Variants in ACOXL observed in about 807,000 individuals in gnomAD.
ACOXL encodes acyl-coenzyme A oxidase-like protein.
Under a neutral mutation model 71.9 loss-of-function variants are expected in ACOXL, and 70 were observed. The ratio of observed to expected loss-of-function variants is 0.97; its 90% confidence interval spans 0.80 to 1.19. The LOEUF (loss-of-function observed/expected upper bound fraction) is 1.19, where lower values mean the gene tolerates loss of function less well. ACOXL is among the 50% of genes most tolerant of loss of function. The probability of loss-of-function intolerance (pLI) is 0.00; values close to 1 mark genes in which losing one functional copy is unlikely to be tolerated. For missense variants in ACOXL, 703 were observed against 736.3 expected (o/e 0.95, Z 0.52); for synonymous variants, 253 against 281.6 (o/e 0.90, Z 1.02).
chr2:110,880,015 A>G (rs1053197591), intron 10 of ACOXL, among the ~76,000 whole-genome samples: 1 of 151,848 alleles, frequency 6.6e-6, no homozygotes, highest in Non-Finnish European at 1.5e-5. Flanking sequence ...GCATGGTGGC[A>G]GGTGCCTGTA....
At chr2:110,907,584 G>T (rs2059501079) in intron 10 of ACOXL, among the ~76,000 whole-genome samples, 1 of 152,074 alleles carries the variant, frequency 6.6e-6, no homozygotes, top group Admixed American at 6.6e-5. Context: ...GGCGGGTTGG[G>T]GTGGTATTCT....
At chr2:110,877,383 C>G (rs1462636858) in intron 10 of ACOXL, among the ~76,000 whole-genome samples, 1 of 152,244 alleles carries the variant, frequency 6.6e-6, no homozygotes, top group African/African-American at 2.4e-5. Flanking sequence ...CAAGCTTCTG[C>G]TGCGGCCCGT....
At position 111,104,208 on chromosome 2, in the gene ACOXL, A is replaced by G. The variant is rs565552037; in HGVS notation, c.1542+11242A>G. 5.3e-5 allele frequency among the ~76,000 whole-genome samples: 8 copies of G among 152,320 alleles called. No homozygotes were observed. In the East Asian group the frequency reaches 9.6e-4, roughly 18 times the overall value. On this transcript the variant is annotated intron_variant, in intron 17 of 17. Transcript: ENST00000439055. ...GTATTCCACACTACACATGGACTGC[A>G]GTTTGTTGAACCACTCACACATTGA...
At chr2:110,784,652 G>A in intron 2 of ACOXL, 80 bp from the exon 3 acceptor site, 1 of 1,034,740 alleles carries the variant, frequency 9.7e-7, no homozygotes, top group African/African-American at 1.7e-5. Flanking sequence ...AAAGTAACAT[G>A]CATTTCTTAT....
chr2:110,888,657 T>C (rs190671266), intron 10 of ACOXL, among the ~76,000 whole-genome samples: 3 of 152,370 alleles, frequency 2.0e-5, no homozygotes, highest in Non-Finnish European at 2.9e-5. Flanking sequence ...GTTGGTGGCA[T>C]GGATTTCAAT....
At chr2:110,900,538 C>T (rs2059193491) in intron 10 of ACOXL, among the ~76,000 whole-genome samples, 1 of 152,134 alleles carries the variant, frequency 6.6e-6, no homozygotes, top group Non-Finnish European at 1.5e-5. Flanking sequence ...AACACACTGG[C>T]AGGTGTTAGA....
chr2:110,859,983 C>T (rs918600421), intron 10 of ACOXL, among the ~76,000 whole-genome samples: 1 of 152,216 alleles, frequency 6.6e-6, no homozygotes, highest in Non-Finnish European at 1.5e-5. Flanking sequence ...CACAACCTGC[C>T]TACTCCCAAC....
chr2:111,069,995 T>C (rs1053015384), intron 16 of ACOXL, among the ~76,000 whole-genome samples: 1 of 151,802 alleles, frequency 6.6e-6, no homozygotes, highest in African/African-American at 2.4e-5. Flanking sequence ...ACCCCCCAAA[T>C]AGAAGAAGAA....
intron 1 of ACOXL, among the ~76,000 whole-genome samples, chr2:110,764,353 C>T (rs1400865448): frequency 1.3e-5 from 2 of 151,990 alleles, no homozygotes; most frequent in Admixed American, 1.3e-4. Flanking sequence ...AGGTATCAAG[C>T]CATGAAAAGC....
chr2:111,105,697 T>C (rs2069491216), intron 17 of ACOXL, among the ~76,000 whole-genome samples: 1 of 152,148 alleles, frequency 6.6e-6, no homozygotes. Flanking sequence ...TTTTATATGT[T>C]ATCTTTTATC....
intron 17 of ACOXL, among the ~76,000 whole-genome samples, chr2:111,095,716 A>G (rs1406106075): frequency 6.6e-6 from 1 of 152,078 alleles, no homozygotes; most frequent in Non-Finnish European, 1.5e-5. Flanking sequence ...ACAGTGCCAC[A>G]TGCTTTCCAC....
intron 10 of ACOXL, among the ~76,000 whole-genome samples, chr2:110,865,732 T>C (rs139222057): frequency 1.3e-5 from 2 of 152,330 alleles, no homozygotes; most frequent in East Asian, 3.9e-4. Context: ...ACGATTTACA[T>C]GCATTTATGT....
chr2:111,064,075 G>C (rs2066938627), intron 16 of ACOXL, among the ~76,000 whole-genome samples: 2 of 152,188 alleles, frequency 1.3e-5, no homozygotes, highest in South Asian at 4.1e-4. Flanking sequence ...CAAGGTATCT[G>C]TGGGGGATTG....
chr2:110,757,618 T>C (rs1679869162), intron 1 of ACOXL, among the ~76,000 whole-genome samples: 2 of 152,202 alleles, frequency 1.3e-5, no homozygotes, highest in African/African-American at 4.8e-5. Context: ...TGGTATCTCA[T>C]GGTTTTGACG....
chr2:110,951,760 C>T lies in ACOXL; in HGVS notation c.1059+18118C>T, dbSNP rs1285602046. 2.0e-5 allele frequency among the ~76,000 whole-genome samples: 3 copies of T among 152,276 alleles called. No individual in the cohort carries two copies. The East Asian group carries it at 5.8e-4, about 29-fold the overall frequency. On this transcript the variant is annotated intron_variant, in intron 12 of 17. Transcript: ENST00000439055. ...GATTGCACATTTTCTTCCTTTTAAT[C>T]TGTTAATGTGATGAATTTACATTAA...
intron 10 of ACOXL, among the ~76,000 whole-genome samples, chr2:110,860,101 G>A (rs11894642): frequency 0.037 from 5,670 of 152,024 alleles, 199 homozygotes; most frequent in African/African-American, 0.081. Context: ...TGGGGTTGTC[G>A]CCTAAATAGC....
chr2:111,060,278 G>C (rs556709085), intron 16 of ACOXL, among the ~76,000 whole-genome samples: 95 of 152,288 alleles, frequency 6.2e-4, no homozygotes, highest in Admixed American at 2.2e-3. Flanking sequence ...GGTGGTGTCA[G>C]AGAAGGCCAA....
intron 2 of ACOXL, among the ~76,000 whole-genome samples, chr2:110,773,131 C>G (rs1421648671): frequency 6.6e-6 from 1 of 152,156 alleles, no homozygotes; most frequent in Non-Finnish European, 1.5e-5. Flanking sequence ...CTCAGCAGAT[C>G]AGAGGGGAAC....
intron 14 of ACOXL, among the ~76,000 whole-genome samples, chr2:111,007,558 G>A (rs1174016840): frequency 3.3e-5 from 5 of 152,116 alleles, no homozygotes; most frequent in African/African-American, 7.2e-5. Context: ...CTTCAGGTTG[G>A]CCCCTGTGTC....
Sources: gnomAD v4.1 joint callset for allele counts (sites outside exome capture counted in the v4.1 genomes callset) on GRCh38, gnomAD v4.1.1 for gene constraint, MANE v1.5 for transcripts, NCBI Gene and HGNC (gene_info 2026-07-23, HGNC 2026-07-21) for gene names.